IL13RA1: variants seen among roughly 807,000 people sequenced by gnomAD.
IL13RA1 encodes interleukin-13 receptor subunit alpha-1.
A neutral mutation model predicts 33.8 loss-of-function variants in IL13RA1; 14 were observed. That is an observed-to-expected ratio of 0.41 (90% CI 0.27 to 0.65). The LOEUF is 0.65. Among genes scored for constraint, IL13RA1 ranks in the 30% least tolerant of loss-of-function variants. IL13RA1 has a pLI of 0.28. For synonymous variants in IL13RA1, 116 were observed against 115.7 expected (o/e 1.00, Z -0.02); for missense variants, 313 against 327.0 (o/e 0.96, Z 0.33).
intron 9 of IL13RA1, 150 bp from the exon 10 acceptor site, chrX:118,776,277 A>T: frequency 2.7e-6 from 1 of 366,086 alleles, no homozygotes; most frequent in African/African-American, 2.6e-5. Context: ...TGTGTACCCT[A>T]TTTTAGAAAT....
Position 118,758,115 on chromosome X carries a change from T to C in IL13RA1, c.549T>C (p.Phe183=), listed in dbSNP as rs1184775158. 1.2e-5 allele frequency: 14 copies of C among 1,164,987 alleles called. No individual in the cohort carries two copies. Among genetic ancestry groups the C allele is most frequent in the Non-Finnish European group, 1.5e-5 (13 of 857,493 alleles). ...ACATCTTTAGAGAAGGCCAATACTT[T>C]GGTTGTTCCTTTGATCTGACCAAAG... ...CENIFREGQY[F]GCSFDLTKVK... is the part of the protein sequence containing the mutation. Residue 183 remains phenylalanine, a synonymous_variant, in exon 5 of 11, where the codon TTT becomes TTC. Coordinates refer to ENST00000371666, the MANE Select transcript of IL13RA1 (RefSeq NM_001560.3).
At position 118,741,061 on chromosome X, in the gene IL13RA1, C is replaced by A; in HGVS notation, c.133C>A (p.Leu45Ile). 9.1e-7 allele frequency: 1 copy of A among 1,103,232 alleles called. No homozygotes were observed. The highest frequency in any genetic ancestry group is 1.3e-6 in the Non-Finnish European group (1 of 796,520). The allele number at this position is 1,103,232 out of a possible 1,213,427, so 90.9% of individuals were successfully genotyped here. A position where few individuals can be genotyped will look rare whatever the true frequency, so the allele number is the denominator to read the frequency against. ...AAATTTGAGTGTCTCTGTTGAAAAC[C>A]TCTGCACAGTAATATGGACATGGAA... ...VTNLSVSVENLCTVIWTWNPP... is the reference protein window; with the variant it reads ...VTNLSVSVENICTVIWTWNPP... Residue 45 changes from leucine to isoleucine, a missense_variant, in exon 2 of 11, where the codon CTC becomes ATC. By Grantham distance (5) the Leu-to-Ile change is conservative. Coordinates refer to ENST00000371666, the MANE Select transcript of IL13RA1 (RefSeq NM_001560.3).
chrX:118,802,382 G>T, the IL13RA1 span, among the ~76,000 whole-genome samples: 2 of 101,417 alleles, frequency 2.0e-5, no homozygotes, highest in Non-Finnish European at 3.8e-5. Flanking sequence ...TGTTCAGTTG[G>T]GGGGCGATGT....
intron 10 of IL13RA1, among the ~76,000 whole-genome samples, chrX:118,791,143 A>G (rs1240073617): frequency 9.0e-6 from 1 of 111,320 alleles, no homozygotes; most frequent in Non-Finnish European, 1.9e-5. Context: ...AAGTAAAAGT[A>G]AAAAAAAGGC....
intron 4 of IL13RA1, among the ~76,000 whole-genome samples, chrX:118,756,232 A>G (rs2017528841): frequency 9.0e-6 from 1 of 111,453 alleles, no homozygotes; most frequent in Non-Finnish European, 1.9e-5. Flanking sequence ...CTTTTCTGCA[A>G]AACCTTTGTG....
the IL13RA1 span, among the ~76,000 whole-genome samples, chrX:118,800,736 C>T: frequency 9.0e-6 from 1 of 111,401 alleles, no homozygotes; most frequent in South Asian, 3.8e-4. Flanking sequence ...TCCCAATTAG[C>T]TCGGACTATG....
chrX:118,745,850 C>T (rs764624876), intron 2 of IL13RA1, among the ~76,000 whole-genome samples: 14 of 111,378 alleles, frequency 1.3e-4, no homozygotes, highest in African/African-American at 4.6e-4. Flanking sequence ...GTTAATTTCC[C>T]GGAGAGCCCA....
chrX:118,736,881 A>G (rs760145600), intron 1 of IL13RA1, among the ~76,000 whole-genome samples: 53 of 113,042 alleles, frequency 4.7e-4, no homozygotes, highest in Non-Finnish European at 8.8e-4. Flanking sequence ...GCCTCGGCCT[A>G]CCGAAGTGCT....
At chrX:118,768,069 G>C (rs1238734889) in intron 8 of IL13RA1, among the ~76,000 whole-genome samples, 1 of 111,689 alleles carries the variant, frequency 9.0e-6, no homozygotes, top group Non-Finnish European at 1.9e-5. Flanking sequence ...TCTAATATTT[G>C]AGGTATTGTC....
intron 4 of IL13RA1, among the ~76,000 whole-genome samples, chrX:118,752,382 CAG>C (rs2017480605): frequency 8.9e-6 from 1 of 111,929 alleles, no homozygotes; most frequent in African/African-American, 3.3e-5. Flanking sequence ...AGATTTCAAA[CAG>C]AATATTCAAA....
At chrX:118,734,034 A>G (rs991325043) in intron 1 of IL13RA1, among the ~76,000 whole-genome samples, 18 of 111,932 alleles carry the variant, frequency 1.6e-4, no homozygotes, top group Admixed American at 1.1e-3. Flanking sequence ...TAAGTTCAGA[A>G]ATCAGGAAGT....
intron 6 of IL13RA1, 122 bp downstream of exon 6, chrX:118,761,411 A>T: frequency 2.7e-6 from 1 of 376,761 alleles, no homozygotes; most frequent in East Asian, 4.4e-5. Flanking sequence ...TGGTAATGAA[A>T]CTTCTTGTCT....
At position 118,748,911 on chromosome X, in the gene IL13RA1, A is replaced by ATGTT. The variant is rs111866286; in HGVS notation, c.368-733_368-730dup. ...TTTCCCCAGAATTGCTTCAGGAGGA[A>ATGTT]TGTTTGTTTGTTTGTTTATTTAGAG... On this transcript the variant is annotated intron_variant, in intron 3 of 10. Transcript: ENST00000371666. 3.8e-3 allele frequency among the ~76,000 whole-genome samples: 421 copies of ATGTT among 110,540 alleles called. 1 individual carries two copies. Among genetic ancestry groups the ATGTT allele is most frequent in the African/African-American group, 0.013 (395 of 30,436 alleles).
chrX:118,788,804 T>A (rs191829812), intron 10 of IL13RA1, among the ~76,000 whole-genome samples: 224 of 111,932 alleles, frequency 2.0e-3, no homozygotes, highest in African/African-American at 7.1e-3. Context: ...GATAAATTGT[T>A]ACAAGCCAAA....
intron 8 of IL13RA1, among the ~76,000 whole-genome samples, chrX:118,767,276 C>T (rs765522326): frequency 8.9e-6 from 1 of 111,962 alleles, no homozygotes; most frequent in Non-Finnish European, 1.9e-5. Flanking sequence ...CACAGTGACT[C>T]ACGCCTGTGA....
In IL13RA1 at chrX:118,761,175, C is replaced by G. The variant is rs761168334; in HGVS notation, c.714C>G (p.Phe238Leu). Residue 238 changes from phenylalanine to leucine, a missense_variant, in exon 6 of 11, where the codon TTC becomes TTG. Transcript: ENST00000371666. ...CTCCACATATTAAAAACCTCTCCTT[C>G]CACAATGATGACCTATATGTGCAAT... Reference protein sequence around the residue: ...PDPPHIKNLSFHNDDLYVQWE... With the variant: ...PDPPHIKNLSLHNDDLYVQWE... The G allele has an allele frequency of 3.0e-6, 3 of 1,015,869 alleles. No individual in the cohort carries two copies. The African/African-American group carries it at 5.7e-5, about 19-fold the overall frequency. The allele number at this position is 1,015,869 out of a possible 1,213,427, so 83.7% of individuals were successfully genotyped here. A position where few individuals can be genotyped will look rare whatever the true frequency, so the allele number is the denominator to read the frequency against.
chrX:118,738,781 CTTTTTTTTT>C (rs144796443), intron 1 of IL13RA1, among the ~76,000 whole-genome samples: 3 of 60,229 alleles, frequency 5.0e-5, no homozygotes, highest in Non-Finnish European at 8.8e-5. Context: ...ATTTTAAGTC[CTTTTTTTTT>C]TTTTTTTTTT....
chrX:118,753,696 T>A (rs748190304), intron 4 of IL13RA1, among the ~76,000 whole-genome samples: 8 of 112,783 alleles, frequency 7.1e-5, no homozygotes, highest in African/African-American at 2.6e-4. Context: ...CCAGCTAATT[T>A]TTGTGTTTTT....
intron 1 of IL13RA1, 53 bp downstream of exon 1, chrX:118,727,779 G>C: frequency 3.4e-6 from 2 of 592,417 alleles, no homozygotes; most frequent in African/African-American, 2.4e-5. Context: ...AGGGCGGTGA[G>C]GGTCACGGCT....
Sources: allele counts gnomAD v4.1 joint callset (sites outside exome capture counted in the v4.1 genomes callset), GRCh38; gene constraint gnomAD v4.1.1; transcripts MANE v1.5; gene names NCBI Gene and HGNC (gene_info 2026-07-23, HGNC 2026-07-21).